Variants in DHRS7 observed in about 807,000 individuals in gnomAD.
DHRS7 encodes dehydrogenase/reductase 7, also known as dehydrogenase/reductase SDR family member 7.
In DHRS7, 34 loss-of-function variants were observed where a neutral mutation model predicts 38.9. The observed-to-expected ratio is 0.87, with a 90% CI of 0.66 to 1.16. The LOEUF (loss-of-function observed/expected upper bound fraction) is 1.16. DHRS7 is among the 50% of genes most tolerant of loss of function. The pLI is 0.00. For missense variants in DHRS7, 421 were observed against 407.0 expected (o/e 1.03, Z -0.30); for synonymous variants, 158 against 153.1 (o/e 1.03, Z -0.24).
At chr14:60,154,821 C>G (rs1347058361) in intron 2 of DHRS7, among the ~76,000 whole-genome samples, 1 of 152,208 alleles carries the variant, frequency 6.6e-6, no homozygotes, top group Admixed American at 6.5e-5. Flanking sequence ...GTAAGAAATG[C>G]TGACCTGGTT....
chr14:60,156,320 A>C (rs1043992108), intron 1 of DHRS7, among the ~76,000 whole-genome samples, 168 bp from the exon 2 acceptor site: 3 of 138,258 alleles, frequency 2.2e-5, no homozygotes, highest in African/African-American at 7.8e-5. Flanking sequence ...TTCTTAACTA[A>C]AAAAAAAAAA....
At chr14:60,150,400 T>C (rs1029209692) in intron 4 of DHRS7, among the ~76,000 whole-genome samples, 13 of 152,276 alleles carry the variant, frequency 8.5e-5, no homozygotes, top group Admixed American at 6.5e-4. Flanking sequence ...ATGTGCCACG[T>C]TGGTGTGCTG....
intron 4 of DHRS7, among the ~76,000 whole-genome samples, chr14:60,152,027 C>T (rs413015): frequency 0.27 from 41,411 of 152,094 alleles, 7,669 homozygotes; most frequent in African/African-American, 0.52. Context: ...TATAGCATTC[C>T]GCTTCATCAC....
chr14:60,151,936 C>T (rs1006556560), intron 4 of DHRS7, among the ~76,000 whole-genome samples: 2 of 152,220 alleles, frequency 1.3e-5, no homozygotes, highest in African/African-American at 4.8e-5. Flanking sequence ...GCCGCCCTCC[C>T]TCATCTGCCT....
rs1400617451 is a variant in DHRS7, at chr14:60,162,874, A to G, written c.133+2303T>C. The stretch of plus-strand genomic sequence containing the variant: ...GTGCTTTATACATAAAAGGAGTTCT[A>G]TAAAGTTTACTCCTGCCAGGCGCAG... On this transcript the variant is annotated intron_variant, in intron 1 of 6. Coordinates refer to ENST00000557185, the MANE Select transcript of DHRS7 (RefSeq NM_016029.4). This position sits in a 1 kb window ranked among gnomAD's most constrained non-coding sequence, Gnocchi z 4.5. 6.6e-6 allele frequency among the ~76,000 whole-genome samples: 1 copy of G among 152,176 alleles called. No individual in the cohort carries two copies. Among genetic ancestry groups the G allele is most frequent in the African/African-American group, 2.4e-5 (1 of 41,426 alleles).
rs1351632957 is a variant in DHRS7, at chr14:60,165,222, C to T, written c.88G>A (p.Gly30Ser). The T allele has an allele frequency of 1.9e-6, 3 of 1,611,978 alleles. No homozygotes were observed. Among genetic ancestry groups the T allele is most frequent in the Non-Finnish European group, 2.5e-6 (3 of 1,179,782 alleles). The change falls in exon 1 of 7, where the codon GGC (glycine) becomes AGC (serine). Residue 30 changes from glycine to serine, a missense_variant. Coordinates refer to ENST00000557185, the MANE Select transcript of DHRS7 (RefSeq NM_016029.4). The surrounding 1 kb of genome is among the most constrained non-coding windows in gnomAD (Gnocchi z 4.6). Reference sequence around the variant, plus strand: ...TCGGCCCATAGTAGCGTCAGGTCGCCGTCAGCCCTCAGGAAGCGCAGCAGC... The same window carrying T: ...TCGGCCCATAGTAGCGTCAGGTCGCTGTCAGCCCTCAGGAAGCGCAGCAGC... Reference protein sequence around the residue: ...VQLLRFLRADGDLTLLWAEWQ... With the variant: ...VQLLRFLRADSDLTLLWAEWQ...
Position 60,149,457 on chromosome 14 carries a change from G to A in DHRS7, c.868C>T (p.Pro290Ser). 6.2e-7 allele frequency: 1 copy of A among 1,614,118 alleles called. No homozygotes were observed. The stretch of plus-strand genomic sequence containing the variant: ...CACAAATATGTTACTAACAAGAAAG[G>A]TTGTTCTGAGATCCAAACTTCTTTC... ...DLKEVWISEQ[P>S]FLLVTYLWQY... Residue 290 changes from proline to serine, a missense_variant, in exon 6 of 7, where the codon CCT becomes TCT. By Grantham distance (74) the Pro-to-Ser change is moderately conservative. Coordinates refer to ENST00000557185, the MANE Select transcript of DHRS7 (RefSeq NM_016029.4).
In DHRS7 at chr14:60,150,099, A is replaced by G; in HGVS notation, c.722T>C (p.Ile241Thr). 10 of 1,607,622 alleles carry G rather than the reference A, an allele frequency of 6.2e-6. No homozygotes were observed. Among genetic ancestry groups the G allele is most frequent in the Non-Finnish European group, 8.5e-6 (10 of 1,178,278 alleles). The change falls in exon 5 of 7, where the codon ATT (isoleucine) becomes ACT (threonine). Residue 241 changes from isoleucine to threonine, a missense_variant. Coordinates refer to ENST00000557185, the MANE Select transcript of DHRS7 (RefSeq NM_016029.4). Reference sequence around the variant, plus strand: ...TTCTCCAGCTAGGGAATTCTCCACAATATTTGATTGCACAGGTCCTGGGCA... The same window carrying G: ...TTCTCCAGCTAGGGAATTCTCCACAGTATTTGATTGCACAGGTCCTGGGCA... ...NICPGPVQSN[I>T]VENSLAGEVT...
At chr14:60,155,884 G>T in intron 2 of DHRS7, 116 bp downstream of exon 2, 1 of 1,089,522 alleles carries the variant, frequency 9.2e-7, no homozygotes, top group Non-Finnish European at 1.2e-6. Context: ...GATGAAGCAT[G>T]TAGAACATTT....
Position 60,165,099 on chromosome 14 carries a change from A to C in DHRS7, c.133+78T>G. ...CACAAAGGACCCGGGATCACTGCAG[A>C]ACCCCCGGAGACCCGGACACGCCTC... On this transcript the variant is annotated intron_variant, in intron 1 of 6. Coordinates refer to ENST00000557185, the MANE Select transcript of DHRS7 (RefSeq NM_016029.4). This position sits in a 1 kb window ranked among gnomAD's most constrained non-coding sequence, Gnocchi z 4.6. 1 of 1,555,434 alleles carries C rather than the reference A, an allele frequency of 6.4e-7. No homozygotes were observed. Among genetic ancestry groups the C allele is most frequent in the Non-Finnish European group, 8.7e-7 (1 of 1,144,400 alleles).
upstream of DHRS7, chr14:60,165,479 G>GCACTCGCGGCCC (rs1299717917): frequency 6.4e-5 from 86 of 1,340,450 alleles, no homozygotes; most frequent in East Asian, 1.7e-3. The surrounding 1 kb of genome is among the most constrained non-coding windows in gnomAD (Gnocchi z 4.6). Context: ...GCCGGGCTCA[G>GCACTCGCGGCCC]CACTCGCGGC....
In DHRS7 at chr14:60,153,876, C is replaced by A. The variant is rs1896601473; in HGVS notation, c.393+83G>T. 4.7e-6 allele frequency: 6 copies of A among 1,286,274 alleles called. No homozygotes were observed. The highest frequency in any genetic ancestry group is 6.8e-6 in the Non-Finnish European group (6 of 887,484). The allele number at this position is 1,286,274 out of a possible 1,614,324, so 79.7% of individuals were successfully genotyped here. A position where few individuals can be genotyped will look rare whatever the true frequency, so the allele number is the denominator to read the frequency against. The stretch of plus-strand genomic sequence containing the variant: ...TGCATGGACCCCACTTGCCTAAAGC[C>A]CTTTGTATGACAGCACCACGGATGG... On this transcript the variant is annotated intron_variant, in intron 3 of 6. Transcript: ENST00000557185. This position sits in a 1 kb window ranked among gnomAD's most constrained non-coding sequence, Gnocchi z 4.4.
In DHRS7 at chr14:60,162,940, G is replaced by A. The variant is rs755071916; in HGVS notation, c.133+2237C>T. Among the ~76,000 whole-genome samples, 1 of 152,086 alleles carries A rather than the reference G, an allele frequency of 6.6e-6. No individual in the cohort carries two copies. The highest frequency in any genetic ancestry group is 1.5e-5 in the Non-Finnish European group (1 of 68,012). On this transcript the variant is annotated intron_variant, in intron 1 of 6. Transcript: ENST00000557185. This position sits in a 1 kb window ranked among gnomAD's most constrained non-coding sequence, Gnocchi z 4.5. ...ATCCCAACACTTTGGGAGGCAGAGC[G>A]GGGTGGATCACCTGAGGTCAGGGGT...
chr14:60,168,466 T>G (rs1896893543), upstream of DHRS7, among the ~76,000 whole-genome samples: 1 of 152,216 alleles, frequency 6.6e-6, no homozygotes, highest in South Asian at 2.1e-4. Flanking sequence ...ACCAATTCCC[T>G]GGTTCTGTTA....
chr14:60,148,358 C>T lies in DHRS7; in HGVS notation c.972+995G>A, dbSNP rs1242400339. ...GTATATCAAAGGCTAACAGTAAAAA[C>T]CATCCTCAGCAATAATCTTTTGCTG... On this transcript the variant is annotated intron_variant, in intron 6 of 6. Coordinates refer to ENST00000557185, the MANE Select transcript of DHRS7 (RefSeq NM_016029.4). The surrounding 1 kb of genome is among the most constrained non-coding windows in gnomAD (Gnocchi z 4.8). The T allele has an allele frequency of 1.3e-5, 2 of 152,132 alleles. No individual in the cohort carries two copies. The highest frequency in any genetic ancestry group is 2.9e-5 in the Non-Finnish European group (2 of 68,026). The allele number at this position is 152,132 out of a possible 1,614,324, so 9.4% of individuals were successfully genotyped here. A position where few individuals can be genotyped will look rare whatever the true frequency, so the allele number is the denominator to read the frequency against.
rs1213982285 is a variant in DHRS7 at position 60,161,583 on chromosome 14, T to C, written c.133+3594A>G. Reference sequence around the variant, plus strand: ...TTCTGCCACCTTCCCTCACATGACATGGTATCAGGTTTCCTCACTCTTCTG... The same window carrying C: ...TTCTGCCACCTTCCCTCACATGACACGGTATCAGGTTTCCTCACTCTTCTG... On this transcript the variant is annotated intron_variant, in intron 1 of 6. Coordinates refer to ENST00000557185, the MANE Select transcript of DHRS7 (RefSeq NM_016029.4). This position sits in a 1 kb window ranked among gnomAD's most constrained non-coding sequence, Gnocchi z 4.2. 6.6e-6 allele frequency among the ~76,000 whole-genome samples: 1 copy of C among 152,128 alleles called. No individual in the cohort carries two copies. The highest frequency in any genetic ancestry group is 1.9e-4 in the East Asian group (1 of 5,190).
Position 60,145,013 on chromosome 14 carries a change from C to G in DHRS7, c.973G>C (p.Asp325His). The change falls in exon 7 of 7, where the codon GAT (aspartate) becomes CAT (histidine). Residue 325 changes from aspartate (D) to histidine (H), a missense_variant and splice_region_variant. Asp to His is a moderately conservative substitution (Grantham distance 81). Coordinates refer to ENST00000557185, the MANE Select transcript of DHRS7 (RefSeq NM_016029.4). The surrounding 1 kb of genome is among the most constrained non-coding windows in gnomAD (Gnocchi z 4.0). ...ATTTTAAAATAAGAAGAGTCTGCAT[C>G]CTGTAAAAGAGGGACAGAAACATGG... is the stretch of plus-strand genomic sequence containing the variant. The part of the protein sequence containing the change: ...KRIENFKSGV[D>H]ADSSYFKIFK... 6.3e-7 allele frequency: 1 copy of G among 1,586,602 alleles called. No individual in the cohort carries two copies. The highest frequency in any genetic ancestry group is 8.5e-7 in the Non-Finnish European group (1 of 1,171,888).
At chr14:60,167,869 A>ATG (rs1896887365), upstream of DHRS7, among the ~76,000 whole-genome samples, 1 of 152,192 alleles carries the variant, frequency 6.6e-6, no homozygotes, top group Non-Finnish European at 1.5e-5. Flanking sequence ...AGTGCTAACG[A>ATG]TCTGGGCACT....
At chr14:60,168,915 C>CA, upstream of DHRS7, 10 of 809,936 alleles carry the variant, frequency 1.2e-5, no homozygotes, top group Non-Finnish European at 1.8e-5. Flanking sequence ...TCTAACTAAC[C>CA]CATTGAAGTT....
Sources: gnomAD v4.1 joint callset for allele counts (sites outside exome capture counted in the v4.1 genomes callset) on GRCh38, gnomAD v4.1.1 for gene constraint, Gnocchi (gnomAD v3.1) non-coding constraint, MANE v1.5 for transcripts, NCBI Gene and HGNC (gene_info 2026-07-23, HGNC 2026-07-21) for gene names.